The following VRK2 variants were observed in gnomAD, a reference collection of about 807,000 sequenced individuals.
VRK2 encodes VRK serine/threonine kinase 2.
VRK2 carries 60 observed loss-of-function variants against 57.6 expected under a neutral mutation model. The ratio of observed to expected loss-of-function variants is 1.04; its 90% CI spans 0.85 to 1.29. The LOEUF (loss-of-function observed/expected upper bound fraction) is 1.29, where lower values mean the gene tolerates loss of function less well. Among genes scored for constraint, VRK2 ranks in the 50% most tolerant of loss-of-function variants. The pLI, the probability that VRK2 is intolerant of heterozygous loss-of-function variation, is 0.00. For synonymous variants in VRK2, 231 were observed against 199.2 expected (o/e 1.16, Z -1.35); for missense variants, 705 against 588.1 (o/e 1.20, Z -2.06).
chr2:57,975,172 G>T (rs900488998), intron 1 of VRK2, among the ~76,000 whole-genome samples: 1 of 151,274 alleles, frequency 6.6e-6, no homozygotes, highest in Admixed American at 6.6e-5. Context: ...TAATCACAAT[G>T]AAAAAAAATA....
chr2:57,966,110 C>T (rs1396119804), intron 1 of VRK2, among the ~76,000 whole-genome samples: 4 of 152,156 alleles, frequency 2.6e-5, no homozygotes, highest in Non-Finnish European at 5.9e-5. Context: ...AAGTAGGCAA[C>T]AAGACTTACT....
chr2:57,927,282 T>C (rs1454081905), intron 1 of VRK2, among the ~76,000 whole-genome samples: 1 of 149,538 alleles, frequency 6.7e-6, no homozygotes. Flanking sequence ...TTTTAGTCTT[T>C]TTTTTTTTTT....
intron 1 of VRK2, among the ~76,000 whole-genome samples, chr2:57,932,131 A>T (rs916473546): frequency 1.1e-4 from 16 of 152,188 alleles, no homozygotes; most frequent in Middle Eastern, 3.4e-3. Context: ...TACAAATTTT[A>T]GGATTTTTCT....
chr2:57,932,208 G>C (rs1342548665), intron 1 of VRK2, among the ~76,000 whole-genome samples: 1 of 151,882 alleles, frequency 6.6e-6, no homozygotes, highest in East Asian at 1.9e-4. Flanking sequence ...GGTAATGCTA[G>C]CCTTGTAAGA....
chr2:57,939,722 T>G (rs1159499743), intron 1 of VRK2, among the ~76,000 whole-genome samples: 2 of 152,230 alleles, frequency 1.3e-5, no homozygotes, highest in Non-Finnish European at 2.9e-5. Context: ...ATATTGCATT[T>G]TATTTTGTCC....
intron 1 of VRK2, among the ~76,000 whole-genome samples, chr2:57,965,029 CATAA>C (rs1406529256): frequency 3.3e-5 from 5 of 151,454 alleles, no homozygotes; most frequent in Non-Finnish European, 5.9e-5. Context: ...TTGTTGAATA[CATAA>C]ATAAACTTTG....
intron 7 of VRK2, among the ~76,000 whole-genome samples, chr2:58,095,443 A>G (rs185607125): frequency 2.2e-4 from 34 of 152,258 alleles, no homozygotes; most frequent in African/African-American, 7.2e-4. Flanking sequence ...ATTTTGCATT[A>G]GGTCATTAGG....
At chr2:58,024,062 T>C (rs1004746890) in intron 1 of VRK2, among the ~76,000 whole-genome samples, 2 of 151,364 alleles carry the variant, frequency 1.3e-5, no homozygotes, top group African/African-American at 4.9e-5. Flanking sequence ...CATGGCTCAC[T>C]GCCAGCTCCG....
chr2:58,046,116 A>C (rs893207970), upstream of VRK2, among the ~76,000 whole-genome samples: 1 of 152,208 alleles, frequency 6.6e-6, no homozygotes, highest in African/African-American at 2.4e-5. Context: ...ACGTGCTGGG[A>C]GTACAGGCGT....
Position 58,041,165 on chromosome 2 carries a change from A to C in VRK2, c.-6+7612A>C, listed in dbSNP as rs906449873. ...GAATGGACAGGGTAAGAATCATACC[A>C]CTTTTGGCTAGTCAATATTTGGTTT... On this transcript the variant is annotated intron_variant, in intron 3 of 15. Transcript: ENST00000417641. 3 of 670,346 alleles carry C rather than the reference A, an allele frequency of 4.5e-6. No individual in the cohort carries two copies. The African/African-American group carries it at 5.9e-5, about 13-fold the overall frequency. 41.5% of individuals were successfully genotyped at this position (670,346 alleles called of 1,614,324 possible). A position where few individuals can be genotyped will look rare whatever the true frequency, so the allele number is the denominator to read the frequency against.
chr2:58,052,609 A>G (rs1193933403), intron 2 of VRK2, among the ~76,000 whole-genome samples: 1 of 152,022 alleles, frequency 6.6e-6, no homozygotes, highest in East Asian at 1.9e-4. Flanking sequence ...TCAAAAAAAA[A>G]AAAAAAAAAA....
chr2:57,949,497 T>A (rs1671359617), intron 1 of VRK2, among the ~76,000 whole-genome samples: 1 of 152,152 alleles, frequency 6.6e-6, no homozygotes, highest in South Asian at 2.1e-4. Context: ...TGGGACACCA[T>A]GGACCGCGCC....
chr2:58,056,894 T>A (rs1194124654), intron 2 of VRK2, among the ~76,000 whole-genome samples: 2 of 152,162 alleles, frequency 1.3e-5, no homozygotes, highest in Non-Finnish European at 2.9e-5. Context: ...CTGCTAGGAC[T>A]GGTTGTGGAA....
rs574940221 is a variant in VRK2, at chr2:58,152,120, G to A, written c.1182+5646G>A. ...AACAGGTAGAATCTATTTTAATAAC[G>A]TCCTCTGATTAAACCAGTATCCACA... is the stretch of plus-strand genomic sequence containing the variant. On this transcript the variant is annotated intron_variant, in intron 12 of 12. Transcript: ENST00000340157. Among the ~76,000 whole-genome samples the A allele has an allele frequency of 6.6e-5, 10 of 151,758 alleles. No homozygotes were observed. In the South Asian group the frequency reaches 1.7e-3, roughly 25 times the overall value.
At chr2:57,981,301 A>G (rs1280554952) in intron 1 of VRK2, among the ~76,000 whole-genome samples, 1 of 152,150 alleles carries the variant, frequency 6.6e-6, no homozygotes, top group Non-Finnish European at 1.5e-5. Context: ...TATGAAGCTT[A>G]GTTTGGCCAG....
intron 1 of VRK2, among the ~76,000 whole-genome samples, chr2:57,968,032 G>A (rs1387664195): frequency 1.3e-5 from 2 of 151,914 alleles, no homozygotes; most frequent in African/African-American, 4.8e-5. Context: ...TTATACATGA[G>A]ATAAAATTAA....
chr2:57,959,589 G>C (rs1308443759), intron 1 of VRK2, among the ~76,000 whole-genome samples: 1 of 152,146 alleles, frequency 6.6e-6, no homozygotes, highest in Non-Finnish European at 1.5e-5. Flanking sequence ...GCATCGGATC[G>C]ATACAGCTAA....
At chr2:58,120,038 C>G (rs1473234465) in intron 7 of VRK2, among the ~76,000 whole-genome samples, 1 of 151,752 alleles carries the variant, frequency 6.6e-6, no homozygotes, top group Non-Finnish European at 1.5e-5. Flanking sequence ...AGATTTCTTT[C>G]TTAGAGTGCA....
intron 2 of VRK2, among the ~76,000 whole-genome samples, chr2:58,071,021 T>C (rs1669291300): frequency 6.6e-6 from 1 of 152,170 alleles, no homozygotes; most frequent in African/African-American, 2.4e-5. Flanking sequence ...AGATGTGTAG[T>C]TGTATCTCAT....
Sources: gnomAD v4.1 joint callset for allele counts (sites outside exome capture counted in the v4.1 genomes callset) on GRCh38, gnomAD v4.1.1 for gene constraint, MANE v1.5 for transcripts, NCBI Gene and HGNC (gene_info 2026-07-23, HGNC 2026-07-21) for gene names.